Variants in CDH20 observed in about 807,000 individuals in gnomAD.
CDH20 encodes the protein cadherin 20.
In CDH20, 29 loss-of-function variants were observed where a neutral mutation model predicts 74.2. That is an observed-to-expected ratio of 0.39 (90% confidence interval 0.29 to 0.53). The LOEUF is 0.53. Ranked by LOEUF, CDH20 falls within the 20% of genes least tolerant of loss-of-function variation. The pLI, the probability that CDH20 is intolerant of heterozygous loss-of-function variation, is 0.69. For synonymous variants in CDH20, 469 were observed against 405.4 expected (o/e 1.16, Z -1.88); for missense variants, 988 against 1,048.3 (o/e 0.94, Z 0.79).
chr18:61,359,192 G>A (rs1327791307), intron 1 of CDH20, among the ~76,000 whole-genome samples: 1 of 151,982 alleles, frequency 6.6e-6, no homozygotes, highest in Non-Finnish European at 1.5e-5. Flanking sequence ...ATAATGTGAT[G>A]TTCCTTATTC....
intron 1 of CDH20, among the ~76,000 whole-genome samples, chr18:61,381,953 C>A (rs1911445634): frequency 6.6e-6 from 1 of 152,118 alleles, no homozygotes; most frequent in African/African-American, 2.4e-5. Context: ...GTCCTTGACC[C>A]TTCTGTCACT....
chr18:61,443,460 A>G (rs1909096671), intron 1 of CDH20, among the ~76,000 whole-genome samples: 2 of 152,174 alleles, frequency 1.3e-5, no homozygotes, highest in African/African-American at 4.8e-5. Context: ...TGACAACGGT[A>G]TGCAGGCCAA....
chr18:61,432,513 A>G (rs566825016), intron 1 of CDH20, among the ~76,000 whole-genome samples: 34 of 152,324 alleles, frequency 2.2e-4, no homozygotes, highest in Admixed American at 1.7e-3. Flanking sequence ...ACGACCTTCT[A>G]TATAAATTAC....
At chr18:61,539,274 A>C in intron 9 of CDH20, 129 bp downstream of exon 9, 1 of 880,826 alleles carries the variant, frequency 1.1e-6, no homozygotes, top group Non-Finnish European at 1.8e-6. Flanking sequence ...AGAGTCCCTA[A>C]TTCCCGTATA....
At chr18:61,363,456 G>A (rs945657259) in intron 1 of CDH20, among the ~76,000 whole-genome samples, 1 of 152,042 alleles carries the variant, frequency 6.6e-6, no homozygotes. Context: ...TATCTCTCAT[G>A]GATAAGAACT....
chr18:61,513,725 T>G (rs1206895446), intron 6 of CDH20, among the ~76,000 whole-genome samples: 1 of 152,194 alleles, frequency 6.6e-6, no homozygotes. Context: ...CATTTGCTTG[T>G]CTGTAAAGGA....
intron 1 of CDH20, among the ~76,000 whole-genome samples, chr18:61,441,164 C>A (rs75215683): frequency 0.018 from 2,668 of 152,094 alleles, 69 homozygotes; most frequent in African/African-American, 0.059. Context: ...ATATAATAGC[C>A]CTCTAATAAT....
intron 7 of CDH20, among the ~76,000 whole-genome samples, chr18:61,529,648 A>C (rs914863901): frequency 3.6e-4 from 55 of 152,226 alleles, no homozygotes; most frequent in African/African-American, 1.3e-3. Context: ...GTATTTTCAG[A>C]AGCCAAGAAT....
intron 7 of CDH20, among the ~76,000 whole-genome samples, chr18:61,531,166 T>C (rs559884707): frequency 2.5e-4 from 38 of 152,360 alleles, no homozygotes; most frequent in South Asian, 4.1e-4. Context: ...TCTGGCCCCA[T>C]TGGGGAAATC....
chr18:61,427,260 T>C (rs1806407303), intron 1 of CDH20, among the ~76,000 whole-genome samples: 1 of 152,162 alleles, frequency 6.6e-6, no homozygotes, highest in Non-Finnish European at 1.5e-5. Flanking sequence ...GCAGGCCCCA[T>C]TCTGTTTTAA....
At chr18:61,335,662 CTG>C (rs1568099013) in intron 1 of CDH20, among the ~76,000 whole-genome samples, 2 of 152,324 alleles carry the variant, frequency 1.3e-5, no homozygotes, top group East Asian at 1.9e-4. Context: ...ACTCAAGTAA[CTG>C]TGCCTTTCTA....
chr18:61,497,916 C>T (rs1008059256), intron 2 of CDH20, among the ~76,000 whole-genome samples: 1 of 152,126 alleles, frequency 6.6e-6, no homozygotes, highest in Non-Finnish European at 1.5e-5. Context: ...GAGTGGCTGA[C>T]TAAATTTAAC....
chr18:61,385,879 A>G (rs1406108187), intron 1 of CDH20, among the ~76,000 whole-genome samples: 1 of 151,696 alleles, frequency 6.6e-6, no homozygotes, highest in Non-Finnish European at 1.5e-5. Context: ...GCAGTAAGCC[A>G]AGATTGCACC....
chr18:61,499,128 T>C (rs1163163536), intron 2 of CDH20, 58 bp from the exon 3 acceptor site: 1 of 1,328,338 alleles, frequency 7.5e-7, no homozygotes, highest in Non-Finnish European at 1.0e-6. Flanking sequence ...TGAAAATCAA[T>C]GTGTTTTCTG....
chr18:61,418,717 C>T (rs1599071749), intron 1 of CDH20, among the ~76,000 whole-genome samples: 1 of 152,124 alleles, frequency 6.6e-6, no homozygotes, highest in East Asian at 1.9e-4. Context: ...TTATTTATAA[C>T]TTCCACTTAT....
chr18:61,400,311 T>A (rs1002861181), intron 1 of CDH20, among the ~76,000 whole-genome samples: 2 of 152,198 alleles, frequency 1.3e-5, no homozygotes, highest in Admixed American at 1.3e-4. Flanking sequence ...GTCTAGACTG[T>A]CAGGTCTAGA....
chr18:61,479,281 C>T (rs1003528385), intron 1 of CDH20, among the ~76,000 whole-genome samples: 2 of 152,206 alleles, frequency 1.3e-5, no homozygotes, highest in African/African-American at 4.8e-5. Context: ...CCTGCTCCAA[C>T]CTCAAAACCC....
Position 61,356,875 on chromosome 18 carries a change from G to A in CDH20, c.-153+23048G>A, listed in dbSNP as rs115527258. On this transcript the variant is annotated intron_variant, in intron 1 of 11. Transcript: ENST00000262717. ...GTTCATCATCGTCATTTAAACATCTGCAAGCTAAAAGGAGATACCCAAGTA... is the reference window on the plus strand; with the variant it reads ...GTTCATCATCGTCATTTAAACATCTACAAGCTAAAAGGAGATACCCAAGTA... Among the ~76,000 whole-genome samples the A allele has an allele frequency of 3.2e-3, 487 of 152,286 alleles. 4 individuals carry two copies. Among genetic ancestry groups the A allele is most frequent in the African/African-American group, 0.011 (470 of 41,558 alleles).
intron 1 of CDH20, among the ~76,000 whole-genome samples, chr18:61,437,844 TC>T (rs1289105472): frequency 6.6e-6 from 1 of 151,160 alleles, no homozygotes; most frequent in African/African-American, 2.4e-5. Flanking sequence ...TTCTACTCTT[TC>T]CCCCATGTGA....
Sources: gnomAD v4.1 joint callset for allele counts (sites outside exome capture counted in the v4.1 genomes callset) on GRCh38, gnomAD v4.1.1 for gene constraint, MANE v1.5 for transcripts, NCBI Gene and HGNC (gene_info 2026-07-23, HGNC 2026-07-21) for gene names.